The following CCDC12 variants were observed in gnomAD, a reference collection of about 807,000 sequenced individuals.
CCDC12 encodes the protein coiled-coil domain-containing protein 12.
A neutral mutation model predicts 25.7 loss-of-function variants in CCDC12; 28 were observed. The observed-to-expected ratio is 1.09, with a 90% CI of 0.81 to 1.50. The LOEUF (loss-of-function observed/expected upper bound fraction) is 1.50. CCDC12 is among the 40% of genes most tolerant of loss of function. The pLI, the probability that CCDC12 is intolerant of heterozygous loss-of-function variation, is 0.00. For synonymous variants in CCDC12, 75 were observed against 87.7 expected, an observed-to-expected ratio of 0.86 and a Z score of 0.81; for missense variants, 198 against 210.0, an observed-to-expected ratio of 0.94 and a Z score of 0.35.
At chr3:46,951,868 C>G (rs1437947297) in intron 1 of CCDC12, among the ~76,000 whole-genome samples, 1 of 129,718 alleles carries the variant, frequency 7.7e-6, no homozygotes, top group Non-Finnish European at 1.6e-5. Flanking sequence ...CTATCTGATT[C>G]CTTTAGGATT....
upstream of CCDC12, chr3:46,976,870 T>C: frequency 7.0e-7 from 1 of 1,425,812 alleles, no homozygotes; most frequent in Non-Finnish European, 9.3e-7. Flanking sequence ...GCGGGGTTAT[T>C]ATGGGCGAGC....
intron 1 of CCDC12, among the ~76,000 whole-genome samples, chr3:46,956,980 A>G (rs2034308727): frequency 6.6e-6 from 1 of 152,162 alleles, no homozygotes; most frequent in Admixed American, 6.5e-5. Flanking sequence ...CCATGTTCCC[A>G]AGTTATTCTA....
chr3:46,926,079 A>G (rs1280996583), intron 2 of CCDC12, among the ~76,000 whole-genome samples: 1 of 152,170 alleles, frequency 6.6e-6, no homozygotes, highest in Admixed American at 6.5e-5. Flanking sequence ...CGCCTCAACT[A>G]CTTAGAGAAA....
intron 2 of CCDC12, among the ~76,000 whole-genome samples, chr3:46,935,879 T>C (rs558192121): frequency 2.0e-5 from 3 of 152,354 alleles, no homozygotes; most frequent in African/African-American, 7.2e-5. Context: ...TCTGGATCTA[T>C]AGATTCAATG....
At chr3:46,927,639 T>C (rs1373496623) in intron 2 of CCDC12, among the ~76,000 whole-genome samples, 1 of 152,006 alleles carries the variant, frequency 6.6e-6, no homozygotes, top group Non-Finnish European at 1.5e-5. Flanking sequence ...GCCAAGAACA[T>C]CTAGATCCCG....
intron 1 of CCDC12, among the ~76,000 whole-genome samples, chr3:46,975,398 TGATCTC>T (rs910341663): frequency 2.0e-5 from 3 of 152,198 alleles, no homozygotes; most frequent in African/African-American, 7.2e-5. Flanking sequence ...TTGATCAGGC[TGATCTC>T]GAACTCCTGA....
chr3:46,940,961 G>A (rs2107138069), intron 2 of CCDC12, 37 bp downstream of exon 2: 3 of 1,600,548 alleles, frequency 1.9e-6, no homozygotes, highest in Non-Finnish European at 2.6e-6. Context: ...GAGTGCTGGA[G>A]GAGAGAGCAG....
chr3:46,962,434 C>CAAA (rs33969115), intron 1 of CCDC12, among the ~76,000 whole-genome samples: 13,325 of 62,974 alleles, frequency 0.21, 1,739 homozygotes, highest in South Asian at 0.37. Context: ...AACTCTATCT[C>CAAA]AAAAAAAAAA....
At chr3:46,939,833 G>C (rs1416276371) in intron 2 of CCDC12, among the ~76,000 whole-genome samples, 1 of 152,196 alleles carries the variant, frequency 6.6e-6, no homozygotes, top group Admixed American at 6.5e-5. Flanking sequence ...CCCGCATGTG[G>C]GGAGGTTCTA....
chr3:46,927,302 G>A (rs895410999), intron 2 of CCDC12, among the ~76,000 whole-genome samples: 2 of 152,204 alleles, frequency 1.3e-5, no homozygotes, highest in African/African-American at 4.8e-5. Context: ...ATGACTGGGT[G>A]CAAAGGCTTT....
At chr3:46,932,742 AG>A in intron 2 of CCDC12, among the ~76,000 whole-genome samples, 1 of 152,182 alleles carries the variant, frequency 6.6e-6, no homozygotes, top group Non-Finnish European at 1.5e-5. Context: ...AAGGAGTGGG[AG>A]CGCCTTTGTG....
chr3:46,944,548 A>C, intron 1 of CCDC12, among the ~76,000 whole-genome samples: 1 of 150,930 alleles, frequency 6.6e-6, no homozygotes, highest in South Asian at 2.1e-4. Flanking sequence ...ATGCCTCACC[A>C]CCCCCACTCC....
intron 1 of CCDC12, among the ~76,000 whole-genome samples, chr3:46,947,112 A>G (rs537015754): frequency 9.2e-5 from 14 of 152,296 alleles, no homozygotes; most frequent in African/African-American, 2.9e-4. Flanking sequence ...GCCTGCTATA[A>G]TGTCCATGGG....
chr3:46,959,885 C>G (rs2034411684), intron 1 of CCDC12, among the ~76,000 whole-genome samples: 2 of 152,196 alleles, frequency 1.3e-5, no homozygotes, highest in South Asian at 4.1e-4. Context: ...GTTTTCTCAG[C>G]ACCTCTACCA....
intron 1 of CCDC12, among the ~76,000 whole-genome samples, chr3:46,965,736 G>A (rs957685410): frequency 2.6e-5 from 4 of 152,338 alleles, no homozygotes; most frequent in East Asian, 1.9e-4. Context: ...ATCTCCAGAG[G>A]ACAAGGGATT....
chr3:46,934,835 T>TA (rs1374117947), intron 2 of CCDC12, among the ~76,000 whole-genome samples: 2 of 152,224 alleles, frequency 1.3e-5, no homozygotes, highest in African/African-American at 4.8e-5. Flanking sequence ...AGACATCCTC[T>TA]ACAGTGGGAC....
At chr3:46,968,354 C>CT (rs1447217125) in intron 1 of CCDC12, among the ~76,000 whole-genome samples, 22 of 14,866 alleles carry the variant, frequency 1.5e-3, no homozygotes, top group East Asian at 0.25. Context: ...TCCACTGGAA[C>CT]CGGGCCAGTT....
intron 1 of CCDC12, among the ~76,000 whole-genome samples, chr3:46,968,660 T>A (rs1371409114): frequency 2.6e-5 from 4 of 152,178 alleles, no homozygotes; most frequent in Non-Finnish European, 5.9e-5. Context: ...CCAAAGTCCA[T>A]TCTCTCCACT....
upstream of CCDC12, among the ~76,000 whole-genome samples, chr3:46,977,750 C>T (rs551745522): frequency 1.4e-4 from 21 of 152,260 alleles, no homozygotes; most frequent in East Asian, 7.7e-4. Context: ...TTACCTTTCC[C>T]GGGGAAGAGC....
Sources: allele counts gnomAD v4.1 joint callset (sites outside exome capture counted in the v4.1 genomes callset), GRCh38; gene constraint gnomAD v4.1.1; transcripts MANE v1.5; gene names NCBI Gene and HGNC (gene_info 2026-07-23, HGNC 2026-07-21).